C6orf118: variants seen among roughly 807,000 people sequenced by gnomAD.
C6orf118 encodes the protein chromosome 6 open reading frame 118, also known as uncharacterized protein C6orf118.
A neutral mutation model predicts 50.2 loss-of-function variants in C6orf118; 50 were observed. That is an observed-to-expected ratio of 1.00 (90% confidence interval 0.79 to 1.26). The LOEUF (loss-of-function observed/expected upper bound fraction) is 1.26, where lower values mean the gene tolerates loss of function less well. Among genes scored for constraint, C6orf118 ranks in the 50% most tolerant of loss-of-function variants. C6orf118 has a pLI of 0.00. For synonymous variants in C6orf118, 239 were observed against 230.9 expected (o/e 1.03, Z -0.32); for missense variants, 641 against 578.7 (o/e 1.11, Z -1.10).
intron 1 of C6orf118, among the ~76,000 whole-genome samples, chr6:165,307,440 T>C (rs1780781508): frequency 6.6e-6 from 1 of 151,892 alleles, no homozygotes; most frequent in African/African-American, 2.4e-5. Flanking sequence ...GTACCTGTAA[T>C]TACTGATACT....
rs551628294 is a variant in C6orf118, at chr6:165,302,219, C to T, written c.103G>A (p.Val35Met). The T allele has an allele frequency of 1.2e-6, 2 of 1,612,758 alleles. No individual in the cohort carries two copies. Among genetic ancestry groups the T allele is most frequent in the East Asian group, 2.2e-5 (1 of 44,860 alleles). Residue 35 changes from valine (V) to methionine (M), a missense_variant, in exon 2 of 9, where the codon GTG becomes ATG. Physicochemically the swap from Val to Met is conservative, Grantham distance 21 (BLOSUM62 1). Coordinates refer to ENST00000230301, the MANE Select transcript of C6orf118 (RefSeq NM_144980.4). ...CNLKHCETPGVKTLCNLKKLL... is the reference protein window; with the variant it reads ...CNLKHCETPGMKTLCNLKKLL... ...TTCTTCAGATTACACAGGGTCTTCACTCCTGGCGTCTCGCAGTGCTTCAGA... is the reference window on the plus strand; with the variant it reads ...TTCTTCAGATTACACAGGGTCTTCATTCCTGGCGTCTCGCAGTGCTTCAGA...
intron 7 of C6orf118, among the ~76,000 whole-genome samples, chr6:165,284,168 A>C (rs1779829014): frequency 6.6e-6 from 1 of 152,176 alleles, no homozygotes; most frequent in African/African-American, 2.4e-5. Flanking sequence ...CAACTCAAGA[A>C]CTTCACAATG....
intron 1 of C6orf118, 28 bp downstream of exon 1, chr6:165,309,534 C>T (rs745382867): frequency 1.2e-6 from 2 of 1,613,970 alleles, no homozygotes; most frequent in South Asian, 1.1e-5. Context: ...ATCTCACAAG[C>T]CAGCAAGAGC....
chr6:165,309,514 C>A (rs763839886), intron 1 of C6orf118, 48 bp downstream of exon 1: 1 of 1,611,210 alleles, frequency 6.2e-7, no homozygotes, highest in Non-Finnish European at 8.5e-7. Context: ...CACAATTGAA[C>A]ATCAAGCAAA....
Position 165,301,580 on chromosome 6 carries a change from T to G in C6orf118, c.742A>C (p.Lys248Gln), listed in dbSNP as rs1473976784. 3 of 1,611,620 alleles carry G rather than the reference T, an allele frequency of 1.9e-6. No individual in the cohort carries two copies. Among genetic ancestry groups the G allele is most frequent in the Non-Finnish European group, 2.5e-6 (3 of 1,178,848 alleles). ...GSKAAAGHER[K>Q]LQQELQKICT... The stretch of plus-strand genomic sequence containing the variant: ...GCTGCCCTCCTCACCTGCTGCAGCT[T>G]TCTCTCGTGGCCCGCGGCCGCCTTG... Residue 248 changes from lysine (K) to glutamine (Q), a missense_variant, in exon 2 of 9, where the codon AAG becomes CAG. Lys to Gln is a moderately conservative substitution (Grantham distance 53, BLOSUM62 1). Transcript: ENST00000230301.
chr6:165,287,164 G>C (rs888548575), intron 7 of C6orf118, among the ~76,000 whole-genome samples: 6 of 152,062 alleles, frequency 3.9e-5, no homozygotes, highest in Non-Finnish European at 8.8e-5. Flanking sequence ...AATTATGAAT[G>C]AACTCCCATT....
chr6:165,297,378 T>A, intron 5 of C6orf118, among the ~76,000 whole-genome samples: 1 of 146,946 alleles, frequency 6.8e-6, no homozygotes. Context: ...CACTCCAGCC[T>A]GGGCGACAGA....
At chr6:165,300,996 G>A (rs1446703532) in intron 2 of C6orf118, among the ~76,000 whole-genome samples, 1 of 152,002 alleles carries the variant, frequency 6.6e-6, no homozygotes, top group Non-Finnish European at 1.5e-5. Context: ...TTCTTCCACC[G>A]TCAGCCAGGC....
At chr6:165,293,605 C>T (rs1780183772) in intron 5 of C6orf118, 134 bp from the exon 6 acceptor site, 2 of 621,470 alleles carry the variant, frequency 3.2e-6, no homozygotes, top group Non-Finnish European at 5.6e-6. Flanking sequence ...ACGACAGATA[C>T]TCTGAAGATA....
intron 6 of C6orf118, among the ~76,000 whole-genome samples, chr6:165,290,758 T>C (rs1219273154): frequency 6.6e-6 from 1 of 152,148 alleles, no homozygotes; most frequent in Non-Finnish European, 1.5e-5. Flanking sequence ...GAAAGACCTG[T>C]TGGGAAGCTA....
intron 2 of C6orf118, among the ~76,000 whole-genome samples, chr6:165,301,361 A>G (rs993141497): frequency 2.7e-5 from 4 of 148,144 alleles, no homozygotes; most frequent in Non-Finnish European, 4.5e-5. Flanking sequence ...AGGCTGCACC[A>G]AGAGCACTGC....
chr6:165,309,154 T>C (rs1029897833), intron 1 of C6orf118, among the ~76,000 whole-genome samples: 1 of 152,264 alleles, frequency 6.6e-6, no homozygotes, highest in Non-Finnish European at 1.5e-5. Flanking sequence ...TGGTCATTTA[T>C]AGGAGCGCGG....
rs1780383520 is a variant in C6orf118, at chr6:165,298,164, C to A, written c.937-63G>T. On this transcript the variant is annotated intron_variant, in intron 4 of 8. Transcript: ENST00000230301. ...CAGGGAGGGCGGGAGGACTCCCTTT[C>A]TTATTTGTCATTAATGCGTTTTCAA... The A allele has an allele frequency of 4.7e-6, 7 of 1,496,062 alleles. No individual in the cohort carries two copies. In the South Asian group the frequency reaches 9.5e-5, roughly 20 times the overall value. The allele number at this position is 1,496,062 out of a possible 1,614,324, so 92.7% of individuals were successfully genotyped here.
At chr6:165,293,519 T>C in intron 5 of C6orf118, 48 bp from the exon 6 acceptor site, 2 of 1,479,908 alleles carry the variant, frequency 1.4e-6, no homozygotes, top group South Asian at 2.4e-5. Flanking sequence ...CCCCATTATA[T>C]CTTTTGTCTT....
intron 7 of C6orf118, among the ~76,000 whole-genome samples, chr6:165,289,489 G>C (rs1780031453): frequency 6.6e-6 from 1 of 152,036 alleles, no homozygotes; most frequent in Admixed American, 6.6e-5. Flanking sequence ...GTATTACATG[G>C]ATATATGTGT....
intron 1 of C6orf118, among the ~76,000 whole-genome samples, chr6:165,308,569 A>C: frequency 6.6e-6 from 1 of 152,198 alleles, no homozygotes; most frequent in African/African-American, 2.4e-5. Flanking sequence ...CTTACCCTCG[A>C]GTCCAGCCTG....
chr6:165,287,419 GA>G (rs1295925111), intron 7 of C6orf118, among the ~76,000 whole-genome samples: 2 of 150,162 alleles, frequency 1.3e-5, no homozygotes, highest in African/African-American at 2.4e-5. Context: ...CACATTACTA[GA>G]AAAAAAAACT....
chr6:165,301,875 C>T lies in C6orf118; in HGVS notation c.447G>A (p.Val149=), dbSNP rs1780558034. Residue 149 remains valine (V), a synonymous_variant, in exon 2 of 9, where the codon GTG becomes GTA. Transcript: ENST00000230301. ...SHTSEEDFLP[V]EAVREGKEEK... ...CTTCCTTCCCCTCTCTGACAGCCTC[C>T]ACTGGAAGGAAATCCTCCTCTGAAG... is the stretch of plus-strand genomic sequence containing the variant. 2 of 1,613,850 alleles carry T rather than the reference C, an allele frequency of 1.2e-6. No homozygotes were observed. The highest frequency in any genetic ancestry group is 1.7e-6 in the Non-Finnish European group (2 of 1,180,024).
chr6:165,301,306 G>C (rs141344108), intron 2 of C6orf118, among the ~76,000 whole-genome samples: 2,978 of 151,494 alleles, frequency 0.02, 49 homozygotes, highest in Non-Finnish European at 0.03. Flanking sequence ...GCACTGCACC[G>C]AGAACACTGC....
Sources: gnomAD v4.1 joint callset for allele counts (sites outside exome capture counted in the v4.1 genomes callset) on GRCh38, gnomAD v4.1.1 for gene constraint, MANE v1.5 for transcripts, NCBI Gene and HGNC (gene_info 2026-07-23, HGNC 2026-07-21) for gene names.